The following KRT86 variants were observed in gnomAD, a reference collection of about 807,000 sequenced individuals.
KRT86 encodes the protein keratin, type II cuticular Hb6.
A neutral mutation model predicts 41.2 loss-of-function variants in KRT86; 30 were observed. The ratio of observed to expected loss-of-function variants is 0.73; its 90% CI spans 0.54 to 0.99. The LOEUF (loss-of-function observed/expected upper bound fraction) is 0.99. Ranked by LOEUF, KRT86 falls within the 50% of genes least tolerant of loss-of-function variation. The pLI, the probability that KRT86 is intolerant of heterozygous loss-of-function variation, is 0.00. For missense variants in KRT86, 561 were observed against 571.4 expected (o/e 0.98, Z 0.19); for synonymous variants, 238 against 238.1 (o/e 1.00, Z 0.00).
chr12:52,283,497 A>G (rs1267699160), intron 2 of KRT86, among the ~76,000 whole-genome samples: 2 of 48,936 alleles, frequency 4.1e-5, no homozygotes, highest in Non-Finnish European at 7.4e-5. Context: ...TTTTTTTTTG[A>G]GACAGAGTCT....
intron 2 of KRT86, chr12:52,288,002 C>T: frequency 6.2e-7 from 1 of 1,614,214 alleles, no homozygotes; most frequent in Non-Finnish European, 8.5e-7. Flanking sequence ...GGTACCAGGA[C>T]TCGGCCTCGG....
chr12:52,288,815 T>G (rs192202877), intron 2 of KRT86, among the ~76,000 whole-genome samples: 9 of 152,256 alleles, frequency 5.9e-5, no homozygotes, highest in African/African-American at 1.9e-4. Context: ...CTCCTGGTTC[T>G]TCTCCATCCC....
intron 9 of KRT86, chr12:52,306,755 G>A: frequency 4.6e-6 from 1 of 216,372 alleles, no homozygotes; most frequent in South Asian, 8.6e-5. Context: ...GCATCCCAAA[G>A]TGGTATTCCA....
At chr12:52,282,971 C>G (rs10876268) in intron 2 of KRT86, among the ~76,000 whole-genome samples, 44,727 of 152,176 alleles carry the variant, frequency 0.29, 6,864 homozygotes, top group East Asian at 0.4. Context: ...TTGCTCCACT[C>G]GCAGTTACCT....
chr12:52,281,363 T>C (rs1937767960), intron 2 of KRT86, among the ~76,000 whole-genome samples: 2 of 152,250 alleles, frequency 1.3e-5, no homozygotes, highest in Non-Finnish European at 2.9e-5. Context: ...TGTCTCTATC[T>C]GAGCCCCAGG....
In KRT86 at chr12:52,306,129, T is replaced by C. The variant is rs578093160; in HGVS notation, c.1096T>C (p.Cys366Arg). Residue 366 changes from cysteine (C) to arginine (R), a missense_variant, in exon 9 of 11, where the codon TGC (cysteine) becomes CGC (arginine). This residue lies in a region of KRT86 where 397 missense variants were observed against 375.9 expected (regional missense o/e 1.06). Transcript: ENST00000423955. ...TGAGGCGGCCCTCAGCGATGCCCGC[T>C]GCAAGTTGGCCGAGCTGGAGGGTGC... ...QGEAALSDAR[C>R]KLAELEGALQ... 32 of 1,614,018 alleles carry C rather than the reference T, an allele frequency of 2.0e-5. No individual in the cohort carries two copies. The South Asian group carries it at 3.5e-4, about 18-fold the overall frequency.
At chr12:52,288,176 G>C (rs1472866644) in intron 2 of KRT86, 3 of 1,612,678 alleles carry the variant, frequency 1.9e-6, no homozygotes, top group Non-Finnish European at 2.5e-6. Flanking sequence ...AGTGACTTTA[G>C]TTGAGAATAC....
chr12:52,305,093 T>G (rs540690422), intron 6 of KRT86, 66 bp downstream of exon 6: 3 of 1,608,816 alleles, frequency 1.9e-6, no homozygotes, highest in South Asian at 2.2e-5. Flanking sequence ...GGTGGGAGTG[T>G]TGGACAGGAT....
intron 9 of KRT86, chr12:52,306,741 A>T (rs995272307): frequency 4.3e-6 from 1 of 233,332 alleles, no homozygotes. Flanking sequence ...TATAGTGCCA[A>T]TGAGCATCCC....
chr12:52,293,502 A>C (rs376945975), intron 2 of KRT86, among the ~76,000 whole-genome samples: 1 of 152,124 alleles, frequency 6.6e-6, no homozygotes, highest in Admixed American at 6.6e-5. Flanking sequence ...GGTGTGAGAG[A>C]GTCCATCTAA....
intron 2 of KRT86, among the ~76,000 whole-genome samples, chr12:52,282,224 C>A (rs1379948015): frequency 6.8e-6 from 1 of 146,840 alleles, no homozygotes; most frequent in African/African-American, 2.5e-5. Flanking sequence ...GGTTTTTGAG[C>A]CCCCTGAAAC....
intron 2 of KRT86, chr12:52,287,303 G>A (rs747678355): frequency 1.6e-5 from 26 of 1,613,902 alleles, no homozygotes; most frequent in Middle Eastern, 1.7e-4. Context: ...CTGGGCCACC[G>A]CGGCCTCCAG....
In KRT86 at chr12:52,308,532, T is replaced by G. The variant is rs532729838; in HGVS notation, c.1408T>G (p.Cys470Gly). ...CGTGGTGGTGGGCACTACTAACGCC[T>G]GCGCCCCCTCCGCCCGGGTTGGCGT... ...SNVVVGTTNA[C>G]APSARVGVCG... The change falls in exon 11 of 11, where the codon TGC becomes GGC. Residue 470 changes from cysteine to glycine, a missense_variant. Physicochemically the swap from Cys to Gly is radical, Grantham distance 159. Transcript: ENST00000423955. 1 of 1,602,834 alleles carries G rather than the reference T, an allele frequency of 6.2e-7. No homozygotes were observed. The highest frequency in any genetic ancestry group is 1.3e-5 in the African/African-American group (1 of 74,928).
In KRT86 at chr12:52,282,902, C is replaced by T. The variant is rs559576218; in HGVS notation, c.-5+6956C>T. Among the ~76,000 whole-genome samples the T allele has an allele frequency of 2.6e-5, 4 of 152,366 alleles. 1 individual carries two copies. Among genetic ancestry groups the T allele is most frequent in the African/African-American group, 4.8e-5 (2 of 41,588 alleles). On this transcript the variant is annotated intron_variant, in intron 2 of 10. Coordinates refer to ENST00000423955, the MANE Select transcript of KRT86 (RefSeq NM_001320198.2). Reference sequence around the variant, plus strand: ...ACATTTAGAAACCCTCACCATCTCTCTCACACACACGTTTCCACACAGGTG... The same window carrying T: ...ACATTTAGAAACCCTCACCATCTCTTTCACACACACGTTTCCACACAGGTG...
At chr12:52,307,099 G>C (rs1489704592) in intron 9 of KRT86, 1 of 152,262 alleles carries the variant, frequency 6.6e-6, no homozygotes, top group East Asian at 1.9e-4. Context: ...GAGGGTGAAG[G>C]TTGGGGATGC....
chr12:52,293,482 G>T (rs1938183034), intron 2 of KRT86, among the ~76,000 whole-genome samples: 2 of 152,164 alleles, frequency 1.3e-5, no homozygotes, highest in Non-Finnish European at 2.9e-5. Flanking sequence ...GGGAGTATCT[G>T]TGAATTTAGG....
chr12:52,275,879 A>T lies in KRT86; in HGVS notation c.-72A>T. ...ACGCAGAGCCTGAAGCCCAGCAAGG[A>T]GGATCTGAACAGGCTTAATCAGGCC... is the stretch of plus-strand genomic sequence containing the variant. On this transcript the variant is annotated 5_prime_UTR_variant, in exon 2 of 11. Coordinates refer to ENST00000423955, the MANE Select transcript of KRT86 (RefSeq NM_001320198.2). The T allele has an allele frequency of 1.0e-6, 1 of 985,974 alleles. No homozygotes were observed. Among genetic ancestry groups the T allele is most frequent in the Non-Finnish European group, 1.2e-6 (1 of 829,964 alleles). 61.1% of individuals were successfully genotyped at this position (985,974 alleles called of 1,614,324 possible). A position where few individuals can be genotyped will look rare whatever the true frequency, so the allele number is the denominator to read the frequency against.
chr12:52,302,219 C>A lies in KRT86; in HGVS notation c.303C>A (p.Cys101Ter). Reference sequence around the variant, plus strand: ...TGGAGATCGACCCCAACGCGCAGTGCGTGAAGCAGGAGGAGAAGGAGCAGA... The same window carrying A: ...TGGAGATCGACCCCAACGCGCAGTGAGTGAAGCAGGAGGAGAAGGAGCAGA... ...LNLEIDPNAQCVKQEEKEQIK... is the reference protein window; with the variant it reads ...LNLEIDPNAQ Residue 101 changes from cysteine (C) to a stop codon, truncating the protein, a stop_gained, in exon 3 of 11, where the codon TGC (cysteine) becomes TGA (stop). Transcript: ENST00000423955. LOFTEE classifies it high-confidence loss of function. The A allele has an allele frequency of 7.0e-6, 8 of 1,138,368 alleles. 1 individual carries two copies. Among genetic ancestry groups the A allele is most frequent in the Non-Finnish European group, 9.8e-6 (8 of 817,190 alleles). 70.5% of individuals were successfully genotyped at this position (1,138,368 alleles called of 1,614,324 possible).
chr12:52,287,907 A>C, intron 2 of KRT86: 1 of 1,612,640 alleles, frequency 6.2e-7, no homozygotes, highest in South Asian at 1.1e-5. Flanking sequence ...CATCCCCAGA[A>C]AAGGAAGCCT....
Sources: gnomAD v4.1 joint callset for allele counts (sites outside exome capture counted in the v4.1 genomes callset) on GRCh38, gnomAD v4.1.1 for gene constraint, gnomAD v4.1.1 regional missense constraint, MANE v1.5 for transcripts, NCBI Gene and HGNC (gene_info 2026-07-23, HGNC 2026-07-21) for gene names.